The following ARSB variants were observed in gnomAD, a reference collection of about 807,000 sequenced individuals.
The protein encoded by ARSB is N-acetylgalactosamine-4-sulfatase.
Under a neutral mutation model 50.9 loss-of-function variants are expected in ARSB, and 41 were observed. The observed-to-expected ratio is 0.81, with a 90% CI of 0.63 to 1.04. ARSB has a LOEUF of 1.04. Ranked by LOEUF, ARSB falls within the 50% of genes least tolerant of loss-of-function variation. The pLI is 0.00. For missense variants in ARSB, 672 were observed against 693.3 expected, an observed-to-expected ratio of 0.97 and a Z score of 0.35; for synonymous variants, 269 against 284.8, an observed-to-expected ratio of 0.94 and a Z score of 0.56.
In ARSB at chr5:78,964,450, G is replaced by A. The variant is rs746743920; in HGVS notation, c.656C>T (p.Ala219Val). 2 of 1,613,916 alleles carry A rather than the reference G, an allele frequency of 1.2e-6. No individual in the cohort carries two copies. The highest frequency in any genetic ancestry group is 1.1e-5 in the South Asian group (1 of 91,074). Residue 219 changes from alanine (A) to valine (V), a missense_variant, in exon 3 of 8, where the codon GCT (alanine) becomes GTT (valine). Physicochemically the swap from Ala to Val is moderately conservative, Grantham distance 64 (BLOSUM62 0). Transcript: ENST00000264914. ...TGGATGGTTAGTTATGAGGGCTATAGCCCTTTTGGTGAATATGTTTGTTGA... is the reference window on the plus strand; with the variant it reads ...TGGATGGTTAGTTATGAGGGCTATAACCCTTTTGGTGAATATGTTTGTTGA... ...MYSTNIFTKR[A>V]IALITNHPPE...
At chr5:78,801,298 T>C (rs1292514346) in intron 6 of ARSB, among the ~76,000 whole-genome samples, 1 of 152,114 alleles carries the variant, frequency 6.6e-6, no homozygotes, top group Non-Finnish European at 1.5e-5. Context: ...ATACGTACCT[T>C]AGCATTCTGT....
At position 78,925,002 on chromosome 5, in the gene ARSB, A is replaced by G. The variant is rs540767078; in HGVS notation, c.898+30293T>C. Among the ~76,000 whole-genome samples, 20 of 152,318 alleles carry G rather than the reference A, an allele frequency of 1.3e-4. No homozygotes were observed. In the East Asian group the frequency reaches 3.7e-3, roughly 28 times the overall value. On this transcript the variant is annotated intron_variant, in intron 4 of 7. Coordinates refer to ENST00000264914, the MANE Select transcript of ARSB (RefSeq NM_000046.5). ...GTTCCATATGTTTTTCAAGGCCTCA[A>G]TGCTTAAGAAAATACACCTTGGCTG... is the stretch of plus-strand genomic sequence containing the variant.
Position 78,803,291 on chromosome 5 carries a change from G to A in ARSB, c.1214-21317C>T, listed in dbSNP as rs867865857. 7.6e-4 allele frequency among the ~76,000 whole-genome samples: 116 copies of A among 152,278 alleles called. 1 individual carries two copies. Among genetic ancestry groups the A allele is most frequent in the Admixed American group, 7.8e-4 (12 of 15,290 alleles). Reference sequence around the variant, plus strand: ...ACGCACTCCCCTCTGCACTAGGGACGGCCGCCTCTTGTATTAATACAATTA... The same window carrying A: ...ACGCACTCCCCTCTGCACTAGGGACAGCCGCCTCTTGTATTAATACAATTA... On this transcript the variant is annotated intron_variant, in intron 6 of 7. Transcript: ENST00000264914.
At chr5:78,806,660 G>A (rs7711802) in intron 6 of ARSB, among the ~76,000 whole-genome samples, 38,563 of 152,166 alleles carry the variant, frequency 0.25, 7,067 homozygotes, top group African/African-American at 0.52. Context: ...TTGACCTGAT[G>A]ACATTCTGGC....
rs192467512 is a variant in ARSB, at chr5:78,809,121, A to C, written c.1214-27147T>G. ...GGTCCCTGTCTTGGACAGATTCAGC[A>C]TCTAACAAAGAATGTGAATAAATAA... On this transcript the variant is annotated intron_variant, in intron 6 of 7. Coordinates refer to ENST00000264914, the MANE Select transcript of ARSB (RefSeq NM_000046.5). Among the ~76,000 whole-genome samples, 40 of 152,364 alleles carry C rather than the reference A, an allele frequency of 2.6e-4. 1 individual carries two copies. The highest frequency in any genetic ancestry group is 5.3e-4 in the Non-Finnish European group (36 of 68,034).
At chr5:78,876,330 TAAAG>T (rs1747480246) in intron 5 of ARSB, among the ~76,000 whole-genome samples, 1 of 152,162 alleles carries the variant, frequency 6.6e-6, no homozygotes, top group African/African-American at 2.4e-5. Flanking sequence ...AAAATACTGG[TAAAG>T]AAAGTAAAGG....
chr5:78,838,362 TGTCTAGGAA>T (rs1277233819), intron 6 of ARSB, among the ~76,000 whole-genome samples: 1 of 152,148 alleles, frequency 6.6e-6, no homozygotes, highest in African/African-American at 2.4e-5. Flanking sequence ...AGATGACAAG[TGTCTAGGAA>T]GTGAGAACAT....
intron 4 of ARSB, among the ~76,000 whole-genome samples, chr5:78,914,693 T>C (rs1421530821): frequency 3.9e-5 from 6 of 152,220 alleles, no homozygotes; most frequent in African/African-American, 9.6e-5. Flanking sequence ...GTCTTTGTTT[T>C]TGAGACAGAG....
In ARSB at chr5:78,984,924, G is replaced by C. The variant is rs749573617; in HGVS notation, c.312+13C>G. On this transcript the variant is annotated intron_variant, in intron 1 of 7. Transcript: ENST00000264914. ...GGGGCGGGGGCGGCGCGGGCGGCGG[G>C]GGCGCCGCGTACCTGGTAGCGGCCA... 1 of 1,333,588 alleles carries C rather than the reference G, an allele frequency of 7.5e-7. No homozygotes were observed. The highest frequency in any genetic ancestry group is 9.6e-7 in the Non-Finnish European group (1 of 1,044,136). 82.6% of individuals were successfully genotyped at this position (1,333,588 alleles called of 1,614,324 possible). A position where few individuals can be genotyped will look rare whatever the true frequency, so the allele number is the denominator to read the frequency against.
At chr5:78,791,882 G>T (rs949299988) in intron 6 of ARSB, among the ~76,000 whole-genome samples, 1 of 152,100 alleles carries the variant, frequency 6.6e-6, no homozygotes, top group Non-Finnish European at 1.5e-5. Context: ...CTGGGAAGTG[G>T]GGCTGTGCAC....
intron 4 of ARSB, among the ~76,000 whole-genome samples, chr5:78,897,619 A>G (rs375296970): frequency 6.6e-6 from 1 of 152,192 alleles, no homozygotes; most frequent in South Asian, 2.1e-4. Flanking sequence ...TAAATTTATC[A>G]CAGTGACTGG....
chr5:78,897,332 A>G (rs1748610345), intron 4 of ARSB, among the ~76,000 whole-genome samples: 1 of 152,198 alleles, frequency 6.6e-6, no homozygotes, highest in African/African-American at 2.4e-5. Context: ...GTAACACTCA[A>G]GTGAATTTCT....
intron 5 of ARSB, among the ~76,000 whole-genome samples, chr5:78,863,697 G>A (rs1462102579): frequency 1.4e-4 from 22 of 152,014 alleles, no homozygotes; most frequent in Admixed American, 1.4e-3. Context: ...CATGGCACAT[G>A]TATACATATG....
intron 6 of ARSB, among the ~76,000 whole-genome samples, chr5:78,800,467 C>T (rs754016068): frequency 1.3e-5 from 2 of 152,106 alleles, no homozygotes; most frequent in African/African-American, 2.4e-5. Flanking sequence ...AAGCACTCCC[C>T]CTTAACTGAC....
intron 4 of ARSB, among the ~76,000 whole-genome samples, chr5:78,936,716 A>ATAG (rs1314534852): frequency 1.3e-5 from 2 of 152,202 alleles, no homozygotes; most frequent in Non-Finnish European, 2.9e-5. Context: ...TAAGCCCTGC[A>ATAG]TAGGTCTTTA....
At chr5:78,917,429 AT>A (rs202042220) in intron 4 of ARSB, among the ~76,000 whole-genome samples, 3,047 of 150,880 alleles carry the variant, frequency 0.02, 66 homozygotes, top group South Asian at 0.055. Flanking sequence ...ATCTGAAGTC[AT>A]TTTTTTTTCT....
chr5:78,972,516 T>TACAC (rs59035274), intron 1 of ARSB, among the ~76,000 whole-genome samples: 37,437 of 145,526 alleles, frequency 0.26, 5,110 homozygotes, highest in East Asian at 0.35. Context: ...CACGCATACG[T>TACAC]ACACACACAC....
At chr5:78,871,475 TCA>T (rs1747170591) in intron 5 of ARSB, among the ~76,000 whole-genome samples, 1 of 150,484 alleles carries the variant, frequency 6.6e-6, no homozygotes. Context: ...GAGATATAGA[TCA>T]ATGGAACAGA....
chr5:78,805,921 T>C (rs922274776), intron 6 of ARSB, among the ~76,000 whole-genome samples: 33 of 152,184 alleles, frequency 2.2e-4, no homozygotes, highest in African/African-American at 8.0e-4. Flanking sequence ...ACTGTGAGCT[T>C]GGGCTCCCAG....
Sources: gnomAD v4.1 joint callset for allele counts (sites outside exome capture counted in the v4.1 genomes callset) on GRCh38, gnomAD v4.1.1 for gene constraint, MANE v1.5 for transcripts, NCBI Gene and HGNC (gene_info 2026-07-23, HGNC 2026-07-21) for gene names.